Variants in ADIPOQ observed in about 807,000 individuals in gnomAD.
ADIPOQ encodes adiponectin.
ADIPOQ carries 19 observed loss-of-function variants against 16.1 expected under a neutral mutation model. The ratio of observed to expected loss-of-function variants is 1.18; its 90% confidence interval spans 0.82 to 1.73. The LOEUF is 1.73. ADIPOQ is among the 40% of genes most tolerant of loss of function. The pLI is 0.00. For synonymous variants in ADIPOQ, 124 were observed against 125.5 expected (o/e 0.99, Z 0.08); for missense variants, 323 against 308.3 (o/e 1.05, Z -0.36).
Position 186,845,935 on chromosome 3 carries a change from T to C in ADIPOQ, c.-9+3186T>C, listed in dbSNP as rs112433520. Among the ~76,000 whole-genome samples the C allele has an allele frequency of 3.1e-3, 477 of 152,356 alleles. 3 individuals are homozygous for C. The highest frequency in any genetic ancestry group is 0.01 in the African/African-American group (421 of 41,596). ...GAAGCTGAGTCTGAGAAGCTCCGTG[T>C]AGTGCTTTTTCGGAGGCACCGTGAT... is the stretch of plus-strand genomic sequence containing the variant. On this transcript the variant is annotated intron_variant, in intron 1 of 2. Coordinates refer to ENST00000320741, the MANE Select transcript of ADIPOQ (RefSeq NM_004797.4).
At chr3:186,853,416 G>C in intron 2 of ADIPOQ, 144 bp downstream of exon 2, 1 of 1,103,236 alleles carries the variant, frequency 9.1e-7, no homozygotes. Context: ...AAGTGATTTG[G>C]GGTTGGTCTT....
intron 1 of ADIPOQ, among the ~76,000 whole-genome samples, chr3:186,846,024 T>C (rs1711566000): frequency 6.6e-6 from 1 of 152,190 alleles, no homozygotes; most frequent in African/African-American, 2.4e-5. Context: ...CTCCTTAATC[T>C]GTCAGTTTCC....
At chr3:186,854,129 C>A in intron 2 of ADIPOQ, 55 bp from the exon 3 acceptor site, 4 of 1,580,116 alleles carry the variant, frequency 2.5e-6, no homozygotes, top group Admixed American at 1.8e-5. Flanking sequence ...AGGCTGTAAC[C>A]AACCTAGGCA....
In ADIPOQ at chr3:186,848,327, G is replaced by GGA. The variant is rs1180399102; in HGVS notation, c.-8-4724_-8-4723insGA. Among the ~76,000 whole-genome samples, 16 of 106,054 alleles carry GGA rather than the reference G, an allele frequency of 1.5e-4. 1 individual carries two copies. In the South Asian group the frequency reaches 5.1e-3, roughly 34 times the overall value. 69.6% of individuals were successfully genotyped at this position (106,054 alleles called of 152,430 possible). A position where few individuals can be genotyped will look rare whatever the true frequency, so the allele number is the denominator to read the frequency against. On this transcript the variant is annotated intron_variant, in intron 1 of 2. Coordinates refer to ENST00000320741, the MANE Select transcript of ADIPOQ (RefSeq NM_004797.4). ...GAAAGAAGGAAGGAAGGAAGGAAGG[G>GGA]TAACAAGCAAAGTGTAACAATGGCA...
rs201911190 is a variant in ADIPOQ, at chr3:186,856,408, A to G, written c.*1704A>G. 3.3e-5 allele frequency: 5 copies of G among 152,184 alleles called. No homozygotes were observed. The highest frequency in any genetic ancestry group is 7.3e-5 in the Non-Finnish European group (5 of 68,032). The allele number at this position is 152,184 out of a possible 1,614,324, so 9.4% of individuals were successfully genotyped here. A position where few individuals can be genotyped will look rare whatever the true frequency, so the allele number is the denominator to read the frequency against. ...ATTCTCTCTTATATGTGTATTGCTA[A>G]TCATTAAGGTATTATTTTTTCCACA... On this transcript the variant is annotated 3_prime_UTR_variant, in exon 3 of 3. Transcript: ENST00000320741.
chr3:186,846,161 TC>T (rs1560106579), intron 1 of ADIPOQ, among the ~76,000 whole-genome samples: 1 of 152,088 alleles, frequency 6.6e-6, no homozygotes, highest in African/African-American at 2.4e-5. Context: ...TCCTACTCCT[TC>T]CCCTCAGCCT....
chr3:186,846,422 C>T (rs753634996), intron 1 of ADIPOQ, among the ~76,000 whole-genome samples: 4 of 152,014 alleles, frequency 2.6e-5, no homozygotes, highest in Non-Finnish European at 4.4e-5. Context: ...TCAGTAGAGA[C>T]GGGGTTTTGC....
chr3:186,857,766 T>A lies in ADIPOQ; in HGVS notation c.*3062T>A, dbSNP rs201580726. Reference sequence around the variant, plus strand: ...AGCGCTCTATTATTAGATATATACATGTTTAGTATTATGTCTTATTGGTGC... The same window carrying A: ...AGCGCTCTATTATTAGATATATACAAGTTTAGTATTATGTCTTATTGGTGC... On this transcript the variant is annotated 3_prime_UTR_variant, in exon 3 of 3. Coordinates refer to ENST00000320741, the MANE Select transcript of ADIPOQ (RefSeq NM_004797.4). 1 of 152,224 alleles carries A rather than the reference T, an allele frequency of 6.6e-6. No individual in the cohort carries two copies. The highest frequency in any genetic ancestry group is 1.5e-5 in the Non-Finnish European group (1 of 68,046). 9.4% of individuals were successfully genotyped at this position (152,224 alleles called of 1,614,324 possible). A position where few individuals can be genotyped will look rare whatever the true frequency, so the allele number is the denominator to read the frequency against.
chr3:186,854,726 C>A lies in ADIPOQ; in HGVS notation c.*22C>A. On this transcript the variant is annotated 3_prime_UTR_variant, in exon 3 of 3. Coordinates refer to ENST00000320741, the MANE Select transcript of ADIPOQ (RefSeq NM_004797.4). ...CTGATCACCACTAACTCAGAGCCTC[C>A]TCCAGGCCAAACAGCCCCAAAGTCA... The A allele has an allele frequency of 6.2e-7, 1 of 1,613,588 alleles. No individual in the cohort carries two copies. The highest frequency in any genetic ancestry group is 8.5e-7 in the Non-Finnish European group (1 of 1,179,970).
At chr3:186,848,241 GGAAGGAAA>G (rs1711634596) in intron 1 of ADIPOQ, among the ~76,000 whole-genome samples, 2 of 130,786 alleles carry the variant, frequency 1.5e-5, no homozygotes, top group African/African-American at 2.9e-5. Context: ...AAGGAAGGAA[GGAAGGAAA>G]GAAGGAAGGA....
chr3:186,856,869 T>C lies in ADIPOQ; in HGVS notation c.*2165T>C, dbSNP rs1311860846. 1 of 152,022 alleles carries C rather than the reference T, an allele frequency of 6.6e-6. No homozygotes were observed. Among genetic ancestry groups the C allele is most frequent in the Non-Finnish European group, 1.5e-5 (1 of 68,008 alleles). 9.4% of individuals were successfully genotyped at this position (152,022 alleles called of 1,614,324 possible). Reference sequence around the variant, plus strand: ...GTAAGCAAGAAAAATAAAGGAAAAATGGAAACATTTATTCCTTTGCATAAT... The same window carrying C: ...GTAAGCAAGAAAAATAAAGGAAAAACGGAAACATTTATTCCTTTGCATAAT... On this transcript the variant is annotated 3_prime_UTR_variant, in exon 3 of 3. Transcript: ENST00000320741.
chr3:186,845,319 G>A (rs1452638558), intron 1 of ADIPOQ, among the ~76,000 whole-genome samples: 1 of 151,968 alleles, frequency 6.6e-6, no homozygotes, highest in Admixed American at 6.6e-5. Flanking sequence ...ATTTATTATT[G>A]GGTTGCACCG....
chr3:186,850,925 TA>T (rs1254652473), intron 1 of ADIPOQ, among the ~76,000 whole-genome samples: 2 of 151,970 alleles, frequency 1.3e-5, no homozygotes, highest in Admixed American at 6.6e-5. Flanking sequence ...ACATATAGTT[TA>T]TATGTATATA....
At chr3:186,845,932 G>A (rs965435355) in intron 1 of ADIPOQ, among the ~76,000 whole-genome samples, 5 of 152,150 alleles carry the variant, frequency 3.3e-5, no homozygotes, top group African/African-American at 4.8e-5. Flanking sequence ...GAGAAGCTCC[G>A]TGTAGTGCTT....
At chr3:186,843,142 G>A (rs935866169) in intron 1 of ADIPOQ, among the ~76,000 whole-genome samples, 1 of 152,190 alleles carries the variant, frequency 6.6e-6, no homozygotes, top group East Asian at 1.9e-4. Context: ...AAAGGAAGAA[G>A]CATATATGAA....
At chr3:186,845,109 G>T (rs822390) in intron 1 of ADIPOQ, among the ~76,000 whole-genome samples, 130,553 of 151,498 alleles carry the variant, frequency 0.86, 56,573 homozygotes, top group African/African-American at 0.96. Context: ...TGTATGTGTG[G>T]GGGGGGGTGG....
chr3:186,852,850 T>C, intron 1 of ADIPOQ: 1 of 593,270 alleles, frequency 1.7e-6, no homozygotes, highest in Non-Finnish European at 3.0e-6. Flanking sequence ...GGAATAATGC[T>C]AAGTATTACA....
chr3:186,846,560 C>T (rs1711587398), intron 1 of ADIPOQ, among the ~76,000 whole-genome samples: 1 of 152,060 alleles, frequency 6.6e-6, no homozygotes, highest in Non-Finnish European at 1.5e-5. Flanking sequence ...ATGCCCTTTT[C>T]TGCTGGAAGA....
chr3:186,850,271 C>CA (rs71634014), intron 1 of ADIPOQ, among the ~76,000 whole-genome samples: 30,725 of 88,300 alleles, frequency 0.35, 4,883 homozygotes, highest in Middle Eastern at 0.47. Flanking sequence ...TCCTCTCTCT[C>CA]AAAAAAAAAA....
Sources: gnomAD v4.1 joint callset for allele counts (sites outside exome capture counted in the v4.1 genomes callset) on GRCh38, gnomAD v4.1.1 for gene constraint, MANE v1.5 for transcripts, NCBI Gene and HGNC (gene_info 2026-07-23, HGNC 2026-07-21) for gene names.